The following GRIK1 variants were observed in gnomAD, a reference collection of about 807,000 sequenced individuals.
GRIK1 encodes the protein glutamate ionotropic receptor kainate type subunit 1, also known as glutamate receptor ionotropic, kainate 1.
Under a neutral mutation model 105.7 loss-of-function variants are expected in GRIK1, and 69 were observed. That is an observed-to-expected ratio of 0.65 (90% confidence interval 0.54 to 0.80). The LOEUF is 0.80. Ranked by LOEUF, GRIK1 falls within the 30% of genes least tolerant of loss-of-function variation. The pLI is 0.00. For missense variants in GRIK1, 1,109 were observed against 1,167.3 expected (o/e 0.95, Z 0.73); for synonymous variants, 438 against 431.3 (o/e 1.02, Z -0.19).
intron 3 of GRIK1, among the ~76,000 whole-genome samples, chr21:29,681,003 A>T (rs2063363449): frequency 6.6e-6 from 1 of 152,052 alleles, no homozygotes; most frequent in Non-Finnish European, 1.5e-5. Context: ...CGTGGTAGTG[A>T]GTGCCTGTAA....
At chr21:29,598,179 T>C (rs1480155084) in intron 8 of GRIK1, among the ~76,000 whole-genome samples, 1 of 152,212 alleles carries the variant, frequency 6.6e-6, no homozygotes, top group Non-Finnish European at 1.5e-5. Flanking sequence ...GCCAAATTCT[T>C]TTATCATTAT....
intron 1 of GRIK1, among the ~76,000 whole-genome samples, chr21:29,695,718 C>T (rs2063689305): frequency 1.3e-5 from 2 of 152,108 alleles, no homozygotes; most frequent in African/African-American, 4.8e-5. Flanking sequence ...CGTGATCTGC[C>T]TGCCTCAGCC....
chr21:29,703,755 G>A (rs552097745), intron 1 of GRIK1, among the ~76,000 whole-genome samples: 1 of 152,322 alleles, frequency 6.6e-6, no homozygotes, highest in African/African-American at 2.4e-5. Flanking sequence ...CAGAGCTGTG[G>A]TTAAGGACAA....
At chr21:29,540,233 C>T (rs2089947021) in intron 16 of GRIK1, among the ~76,000 whole-genome samples, 1 of 152,200 alleles carries the variant, frequency 6.6e-6, no homozygotes, top group Non-Finnish European at 1.5e-5. Flanking sequence ...AGATTTTAGA[C>T]TGCCTTAAAG....
chr21:29,772,383 G>A lies in GRIK1; in HGVS notation c.119-78320C>T, dbSNP rs1483036841. 2.6e-5 allele frequency among the ~76,000 whole-genome samples: 4 copies of A among 152,136 alleles called. No homozygotes were observed. In the South Asian group the frequency reaches 6.2e-4, roughly 24 times the overall value. On this transcript the variant is annotated intron_variant, in intron 1 of 17. Coordinates refer to ENST00000327783, the MANE Select transcript of GRIK1 (RefSeq NM_001330994.2). Reference sequence around the variant, plus strand: ...TTGTCTACAACAGCATCAACACTCAGGGACAACCGTTTCCTGCCCTCTTGA... The same window carrying A: ...TTGTCTACAACAGCATCAACACTCAAGGACAACCGTTTCCTGCCCTCTTGA...
intron 13 of GRIK1, among the ~76,000 whole-genome samples, chr21:29,579,963 G>GTATATATA (rs1386008921): frequency 3.3e-5 from 4 of 122,916 alleles, no homozygotes; most frequent in African/African-American, 7.5e-5. Flanking sequence ...ATATGTGTGT[G>GTATATATA]TGTATATATA....
intron 1 of GRIK1, among the ~76,000 whole-genome samples, chr21:29,858,426 G>A (rs144792487): frequency 6.6e-6 from 1 of 152,192 alleles, no homozygotes; most frequent in Non-Finnish European, 1.5e-5. Flanking sequence ...ACCTCTTAAT[G>A]ACAGCAATTA....
intron 1 of GRIK1, among the ~76,000 whole-genome samples, chr21:29,707,695 A>G (rs1355986255): frequency 6.6e-6 from 1 of 151,582 alleles, no homozygotes; most frequent in Non-Finnish European, 1.5e-5. Context: ...GGGTTTCACC[A>G]TGTTGGCCAG....
intron 3 of GRIK1, among the ~76,000 whole-genome samples, chr21:29,680,563 T>A (rs941686161): frequency 2.0e-5 from 3 of 152,232 alleles, no homozygotes; most frequent in African/African-American, 7.2e-5. Flanking sequence ...TTGCTTTCCA[T>A]GGTTTTAGCG....
At chr21:29,854,766 T>A (rs1289168349) in intron 1 of GRIK1, among the ~76,000 whole-genome samples, 1 of 152,200 alleles carries the variant, frequency 6.6e-6, no homozygotes, top group Admixed American at 6.5e-5. Context: ...CATTCGTTTG[T>A]CTTCCCCAGC....
At chr21:29,870,453 A>G (rs2068969183) in intron 1 of GRIK1, among the ~76,000 whole-genome samples, 1 of 151,904 alleles carries the variant, frequency 6.6e-6, no homozygotes, top group Non-Finnish European at 1.5e-5. Flanking sequence ...GATGAACAAT[A>G]GAACACTTAT....
intron 1 of GRIK1, among the ~76,000 whole-genome samples, chr21:29,748,000 A>G (rs2065089503): frequency 6.6e-6 from 1 of 152,212 alleles, no homozygotes. Context: ...AAACAATAAA[A>G]TAAAAGAGAC....
chr21:29,935,733 C>T (rs2071725474), intron 1 of GRIK1, among the ~76,000 whole-genome samples: 1 of 151,988 alleles, frequency 6.6e-6, no homozygotes, highest in Non-Finnish European at 1.5e-5. Flanking sequence ...CATAATAGTA[C>T]CATATTTATT....
At chr21:29,924,648 C>A (rs2071298651) in intron 1 of GRIK1, among the ~76,000 whole-genome samples, 1 of 152,110 alleles carries the variant, frequency 6.6e-6, no homozygotes, top group African/African-American at 2.4e-5. Context: ...AAATTTTATT[C>A]TCCCCCGACC....
chr21:29,645,019 G>A (rs1027334950), intron 6 of GRIK1, among the ~76,000 whole-genome samples: 1 of 152,174 alleles, frequency 6.6e-6, no homozygotes, highest in Non-Finnish European at 1.5e-5. Flanking sequence ...TAACCATAAA[G>A]CTGTGCTGCT....
At chr21:29,608,250 A>G (rs562926162) in intron 7 of GRIK1, among the ~76,000 whole-genome samples, 81 of 152,288 alleles carry the variant, frequency 5.3e-4, no homozygotes, top group African/African-American at 1.8e-3. Flanking sequence ...GCTCATGTGT[A>G]TAAGGTAATG....
At chr21:29,932,189 C>T (rs1183335001) in intron 1 of GRIK1, among the ~76,000 whole-genome samples, 1 of 152,142 alleles carries the variant, frequency 6.6e-6, no homozygotes, top group Non-Finnish European at 1.5e-5. Flanking sequence ...ATGGCCTAAT[C>T]TTTCAAATTT....
intron 9 of GRIK1, among the ~76,000 whole-genome samples, chr21:29,593,346 A>G (rs1363681698): frequency 2.0e-5 from 3 of 152,206 alleles, no homozygotes; most frequent in African/African-American, 4.8e-5. Context: ...TAGAATGCAC[A>G]TTATACGTCT....
intron 1 of GRIK1, among the ~76,000 whole-genome samples, chr21:29,929,880 C>T (rs902028564): frequency 1.3e-5 from 2 of 152,176 alleles, no homozygotes; most frequent in African/African-American, 2.4e-5. Flanking sequence ...TTCATTGCCA[C>T]GTTATCCACA....
Sources: allele counts gnomAD v4.1 joint callset (sites outside exome capture counted in the v4.1 genomes callset), GRCh38; gene constraint gnomAD v4.1.1; transcripts MANE v1.5; gene names NCBI Gene and HGNC (gene_info 2026-07-23, HGNC 2026-07-21).